Variants in MBOAT7 observed in about 807,000 individuals in gnomAD.
MBOAT7 encodes membrane bound acylglycerophosphatidylinositol O-acyltransferase MBOAT7.
MBOAT7 carries 40 observed loss-of-function variants against 47.4 expected under a neutral mutation model. That is an observed-to-expected ratio of 0.84 (90% CI 0.66 to 1.10). The LOEUF (loss-of-function observed/expected upper bound fraction) is 1.10. MBOAT7 is among the 50% of genes least tolerant of loss of function. MBOAT7 has a pLI of 0.00. For synonymous variants in MBOAT7, 361 were observed against 292.0 expected, an observed-to-expected ratio of 1.24 and a Z score of -2.41; for missense variants, 680 against 655.6, an observed-to-expected ratio of 1.04 and a Z score of -0.41.
rs534913638 is a variant in MBOAT7, at chr19:54,184,900, G to A, written c.334-1220C>T. Among the ~76,000 whole-genome samples, 747 of 92,488 alleles carry A rather than the reference G, an allele frequency of 8.1e-3. 9 individuals are homozygous for A. Among genetic ancestry groups the A allele is most frequent in the African/African-American group, 0.03 (709 of 23,664 alleles). 60.7% of individuals were successfully genotyped at this position (92,488 alleles called of 152,430 possible). ...GCCTGGGCAACAGGAGTGAAACTCC[G>A]TCTCAAAAAAAAAAAAAAAAAATTT... is the stretch of plus-strand genomic sequence containing the variant. On this transcript the variant is annotated intron_variant, in intron 4 of 7. Coordinates refer to ENST00000245615, the MANE Select transcript of MBOAT7 (RefSeq NM_024298.5).
At chr19:54,179,658 A>G (rs965237363) in intron 6 of MBOAT7, 2 of 152,120 alleles carry the variant, frequency 1.3e-5, no homozygotes, top group African/African-American at 4.8e-5. Context: ...CAGATTTAGA[A>G]AAACCTTCAA....
chr19:54,178,853 C>G lies in MBOAT7; in HGVS notation c.943G>C (p.Asp315His), dbSNP rs373319764. Residue 315 changes from aspartate (D) to histidine (H), a missense_variant, in exon 7 of 8, where the codon GAT (aspartate) becomes CAT (histidine). Coordinates refer to ENST00000245615, the MANE Select transcript of MBOAT7 (RefSeq NM_024298.5). ...GTCATGTTCCAGTACCGCATGCCATCGCGCACCCGCACGCAGAAATCTGTG... is the reference window on the plus strand; with the variant it reads ...GTCATGTTCCAGTACCGCATGCCATGGCGCACCCGCACGCAGAAATCTGTG... ...YSTDFCVRVR[D>H]GMRYWNMTVQ... 2 of 1,613,692 alleles carry G rather than the reference C, an allele frequency of 1.2e-6. No individual in the cohort carries two copies. The highest frequency in any genetic ancestry group is 1.1e-5 in the South Asian group (1 of 91,084).
At chr19:54,176,957 C>T (rs933259900) in intron 7 of MBOAT7, among the ~76,000 whole-genome samples, 9 of 151,816 alleles carry the variant, frequency 5.9e-5, no homozygotes, top group African/African-American at 2.2e-4. Context: ...CATGGTGACT[C>T]ACGCCTGTAA....
intron 4 of MBOAT7, among the ~76,000 whole-genome samples, chr19:54,186,381 C>T (rs370010634): frequency 3.3e-5 from 5 of 152,176 alleles, no homozygotes; most frequent in African/African-American, 9.7e-5. Flanking sequence ...CCAAAAATCC[C>T]CTCTTCCAGC....
rs2076349413 is a variant in MBOAT7 at position 54,183,653 on chromosome 19, C to T, written c.361G>A (p.Asp121Asn). 6.3e-7 allele frequency: 1 copy of T among 1,591,378 alleles called. No homozygotes were observed. The highest frequency in any genetic ancestry group is 8.6e-7 in the Non-Finnish European group (1 of 1,169,518). Residue 121 changes from aspartate to asparagine, a missense_variant, in exon 5 of 8, where the codon GAC (aspartate) becomes AAC (asparagine). Physicochemically the swap from Asp to Asn is conservative, Grantham distance 23. Coordinates refer to ENST00000245615, the MANE Select transcript of MBOAT7 (RefSeq NM_024298.5). ...KLVSLASEVQ[D>N]LHLAQRKEMA... The stretch of plus-strand genomic sequence containing the variant: ...TCCTTCCTCTGGGCCAGATGCAGGT[C>T]CTGGACTTCACTGGCCAGGCTCACC...
intron 4 of MBOAT7, among the ~76,000 whole-genome samples, chr19:54,184,262 G>A (rs1568815048): frequency 6.7e-6 from 1 of 149,410 alleles, no homozygotes; most frequent in Admixed American, 6.7e-5. Flanking sequence ...TCCTGGGGGC[G>A]CAAGCAATTC....
At chr19:54,179,052 C>A (rs1182116291) in intron 6 of MBOAT7, 111 bp from the exon 7 acceptor site, 8 of 1,417,678 alleles carry the variant, frequency 5.6e-6, no homozygotes, top group African/African-American at 4.2e-5. Flanking sequence ...CCTGGCCAGG[C>A]AATGGCCCTC....
rs539179989 is a variant in MBOAT7 at position 54,186,258 on chromosome 19, G to A, written c.333+903C>T. Among the ~76,000 whole-genome samples, 16 of 150,712 alleles carry A rather than the reference G, an allele frequency of 1.1e-4. 1 individual carries two copies. The South Asian group carries it at 2.5e-3, about 24-fold the overall frequency. On this transcript the variant is annotated intron_variant, in intron 4 of 7. Transcript: ENST00000245615. Reference sequence around the variant, plus strand: ...TTGAACTCCCGACCTCAGGTGATCCGCCTGCCTCAGCCTCCCAAAGTGCTG... The same window carrying A: ...TTGAACTCCCGACCTCAGGTGATCCACCTGCCTCAGCCTCCCAAAGTGCTG...
At chr19:54,188,015 CAGAAAGAAA>C (rs1365706295) in intron 3 of MBOAT7, among the ~76,000 whole-genome samples, 193 bp downstream of exon 3, 1 of 78,328 alleles carries the variant, frequency 1.3e-5, no homozygotes, top group Non-Finnish European at 2.6e-5. Context: ...AACTCCATCT[CAGAAAGAAA>C]GAAAGAAAGA....
chr19:54,178,945 G>T lies in MBOAT7; in HGVS notation c.855-4C>A, dbSNP rs749792902. 1.9e-6 allele frequency: 3 copies of T among 1,612,192 alleles called. No individual in the cohort carries two copies. The highest frequency in any genetic ancestry group is 2.7e-5 in the African/African-American group (2 of 74,920). ...CAAGGAAGCCGCCTTCTCCGGACTG[G>T]GGGGTGGAGGATGAGGGTGGGGGAC... On this transcript the variant is annotated splice_region_variant and splice_polypyrimidine_tract_variant and intron_variant, in intron 6 of 7. Coordinates refer to ENST00000245615, the MANE Select transcript of MBOAT7 (RefSeq NM_024298.5).
At position 54,178,938 on chromosome 19, in the gene MBOAT7, C is replaced by T. The variant is rs751847726; in HGVS notation, c.858G>A (p.Pro286=). The part of the protein sequence containing the change: ...PTLQCPPPSS[P]EKAASLEYDY... The stretch of plus-strand genomic sequence containing the variant: ...CATACTCCAAGGAAGCCGCCTTCTC[C>T]GGACTGGGGGGTGGAGGATGAGGGT... The change falls in exon 7 of 8, where the codon CCG becomes CCA. Residue 286 remains proline, a synonymous_variant. Transcript: ENST00000245615. 2.7e-5 allele frequency: 43 copies of T among 1,612,436 alleles called. No homozygotes were observed. Among genetic ancestry groups the T allele is most frequent in the South Asian group, 1.9e-4 (17 of 91,068 alleles).
chr19:54,182,339 A>C (rs1333775485), intron 5 of MBOAT7, among the ~76,000 whole-genome samples: 2 of 152,198 alleles, frequency 1.3e-5, no homozygotes, highest in Non-Finnish European at 2.9e-5. Context: ...CTTTACAGAT[A>C]GAAAGTCAAT....
At chr19:54,186,899 C>T (rs894384233) in intron 4 of MBOAT7, 6 of 486,228 alleles carry the variant, frequency 1.2e-5, no homozygotes, top group African/African-American at 1.2e-4. Flanking sequence ...AGCTGGGCCT[C>T]TGGCACACCG....
At position 54,180,986 on chromosome 19, in the gene MBOAT7, A is replaced by G; in HGVS notation, c.641T>C (p.Leu214Pro). ...LFLLSSHLFP[L>P]EAVREDAFYA... is the part of the protein sequence containing the mutation. ...GAAGGCGTCCTCGCGCACGGCCTCC[A>G]GCGGGAAGAGGTGAGAGGAGAGCAG... Residue 214 changes from leucine to proline, a missense_variant, in exon 6 of 8, where the codon CTG (leucine) becomes CCG (proline). By Grantham distance (98) the Leu-to-Pro change is moderately conservative. Transcript: ENST00000245615. The surrounding 1 kb of genome is among the most constrained non-coding windows in gnomAD (Gnocchi z 5.2). 1.3e-6 allele frequency: 2 copies of G among 1,565,322 alleles called. No homozygotes were observed. The highest frequency in any genetic ancestry group is 1.7e-6 in the Non-Finnish European group (2 of 1,155,736).
At chr19:54,177,900 G>GTTTTTT (rs761565984) in intron 7 of MBOAT7, among the ~76,000 whole-genome samples, 1,382 of 75,872 alleles carry the variant, frequency 0.018, 352 homozygotes, top group Non-Finnish European at 0.022. Flanking sequence ...TTCTACTTCT[G>GTTTTTT]TTTTTTTTTT....
chr19:54,177,919 T>TTTTG (rs2076156947), intron 7 of MBOAT7, among the ~76,000 whole-genome samples: 2 of 96,568 alleles, frequency 2.1e-5, no homozygotes, highest in South Asian at 7.8e-4. Flanking sequence ...TTTTTTTTTT[T>TTTTG]TTTTTTTTTT....
chr19:54,188,023 AAGAAAG>A lies in MBOAT7; in HGVS notation c.206+188_206+193del, dbSNP rs2076486883. On this transcript the variant is annotated intron_variant, in intron 3 of 7. Coordinates refer to ENST00000245615, the MANE Select transcript of MBOAT7 (RefSeq NM_024298.5). ...GGAGCGAAACTCCATCTCAGAAAGA[AAGAAAG>A]AAAGAAAGAAAGAAAGAAAGAAAGA... Among the ~76,000 whole-genome samples the A allele has an allele frequency of 6.6e-5, 6 of 91,334 alleles. 1 individual carries two copies. Among genetic ancestry groups the A allele is most frequent in the African/African-American group, 3.1e-4 (6 of 19,486 alleles). The allele number at this position is 91,334 out of a possible 152,430, so 59.9% of individuals were successfully genotyped here. A position where few individuals can be genotyped will look rare whatever the true frequency, so the allele number is the denominator to read the frequency against.
intron 7 of MBOAT7, among the ~76,000 whole-genome samples, chr19:54,176,499 A>C (rs1193946965): frequency 1.3e-5 from 2 of 152,172 alleles, no homozygotes; most frequent in African/African-American, 4.8e-5. Context: ...GAGAGGTTGC[A>C]GTGAGCCGAG....
At chr19:54,177,028 C>G (rs945790092) in intron 7 of MBOAT7, among the ~76,000 whole-genome samples, 1 of 152,046 alleles carries the variant, frequency 6.6e-6, no homozygotes, top group East Asian at 1.9e-4. Flanking sequence ...TCGAGACCAG[C>G]CTGGCCAACA....
Sources: allele counts gnomAD v4.1 joint callset (sites outside exome capture counted in the v4.1 genomes callset), GRCh38; gene constraint gnomAD v4.1.1; non-coding constraint Gnocchi (gnomAD v3.1); transcripts MANE v1.5; gene names NCBI Gene and HGNC (gene_info 2026-07-23, HGNC 2026-07-21).